LRRTM4: variants seen among roughly 807,000 people sequenced by gnomAD.
The protein encoded by LRRTM4 is leucine rich repeat transmembrane neuronal 4, also known as leucine-rich repeat transmembrane neuronal protein 4.
A neutral mutation model predicts 47.6 loss-of-function variants in LRRTM4; 25 were observed. That is an observed-to-expected ratio of 0.53 (90% CI 0.38 to 0.73). LRRTM4 has a LOEUF of 0.73. Among genes scored for constraint, LRRTM4 ranks in the 30% least tolerant of loss-of-function variants. The pLI, the probability that LRRTM4 is intolerant of heterozygous loss-of-function variation, is 0.00. For synonymous variants in LRRTM4, 311 were observed against 269.5 expected (o/e 1.15, Z -1.51); for missense variants, 638 against 713.4 (o/e 0.89, Z 1.20).
At chr2:77,099,452 GGT>G (rs1224273757) in intron 3 of LRRTM4, among the ~76,000 whole-genome samples, 3 of 151,570 alleles carry the variant, frequency 2.0e-5, no homozygotes, top group African/African-American at 7.3e-5. Flanking sequence ...TATATATTTG[GGT>G]GTGTGTGTGT....
Position 77,387,565 on chromosome 2 carries a change from T to A in LRRTM4, c.1551+130753A>T, listed in dbSNP as rs1673332187. On this transcript the variant is annotated intron_variant, in intron 3 of 3. Transcript: ENST00000409884. ...GCCTACTTTGCATTACTTTTGGGATTCAGGGGTGGACAAGGGGAGCCCACG... is the reference window on the plus strand; with the variant it reads ...GCCTACTTTGCATTACTTTTGGGATACAGGGGTGGACAAGGGGAGCCCACG... Among the ~76,000 whole-genome samples, 3 of 152,082 alleles carry A rather than the reference T, an allele frequency of 2.0e-5. 1 individual carries two copies. Among genetic ancestry groups the A allele is most frequent in the Admixed American group, 2.0e-4 (3 of 15,250 alleles).
chr2:77,452,647 C>T (rs1301816205), intron 3 of LRRTM4, among the ~76,000 whole-genome samples: 1 of 152,194 alleles, frequency 6.6e-6, no homozygotes, highest in Non-Finnish European at 1.5e-5. Flanking sequence ...TCTGCCATCA[C>T]CATCTTAAAA....
At chr2:76,974,244 A>G (rs1408971577) in intron 3 of LRRTM4, among the ~76,000 whole-genome samples, 4 of 143,616 alleles carry the variant, frequency 2.8e-5, no homozygotes, top group East Asian at 2.0e-4. Context: ...ATATATACAT[A>G]TATATATATA....
intron 3 of LRRTM4, among the ~76,000 whole-genome samples, chr2:77,079,059 C>A (rs1221966312): frequency 6.6e-6 from 1 of 152,200 alleles, no homozygotes; most frequent in Non-Finnish European, 1.5e-5. Flanking sequence ...CAAAGCTCCA[C>A]TTTCTAATAC....
At position 77,519,381 on chromosome 2, in the gene LRRTM4, T is replaced by G. The variant is rs747207104; in HGVS notation, c.488A>C (p.His163Pro). 2 of 1,613,438 alleles carry G rather than the reference T, an allele frequency of 1.2e-6. No individual in the cohort carries two copies. The highest frequency in any genetic ancestry group is 1.7e-6 in the Non-Finnish European group (2 of 1,179,608). Residue 163 changes from histidine (H) to proline (P), a missense_variant, in exon 3 of 4, where the codon CAC (histidine) becomes CCC (proline). Transcript: ENST00000409884. This position sits in a 1 kb window ranked among gnomAD's most constrained non-coding sequence, Gnocchi z 4.6. Reference protein sequence around the residue: ...FKGLRKLIILHLRSNSLKTVP... With the variant: ...FKGLRKLIILPLRSNSLKTVP... ...AGTCTTTAGTGAGTTAGATCTCAAGTGCAAAATGATGAGTTTCCGAAGGCC... is the reference window on the plus strand; with the variant it reads ...AGTCTTTAGTGAGTTAGATCTCAAGGGCAAAATGATGAGTTTCCGAAGGCC...
intron 3 of LRRTM4, among the ~76,000 whole-genome samples, chr2:76,840,305 A>G (rs1173835519): frequency 1.3e-5 from 2 of 152,212 alleles, no homozygotes; most frequent in African/African-American, 2.4e-5. Context: ...GTATCTCCAC[A>G]ATTGTTTGGG....
intron 3 of LRRTM4, among the ~76,000 whole-genome samples, chr2:77,044,670 CAT>C (rs1332052157): frequency 1.3e-5 from 2 of 151,336 alleles, no homozygotes; most frequent in African/African-American, 4.9e-5. Flanking sequence ...CACACATACA[CAT>C]ATACACACAT....
chr2:77,003,391 T>C (rs983125758), intron 3 of LRRTM4, among the ~76,000 whole-genome samples: 3 of 152,168 alleles, frequency 2.0e-5, no homozygotes, highest in Non-Finnish European at 2.9e-5. Flanking sequence ...TGAATTGTAA[T>C]AATCCCCACG....
chr2:76,807,532 G>C (rs1670562710), intron 3 of LRRTM4, among the ~76,000 whole-genome samples: 1 of 141,746 alleles, frequency 7.1e-6, no homozygotes, highest in East Asian at 2.1e-4. Context: ...ATCAACTTTG[G>C]GGATTTGTGT....
intron 3 of LRRTM4, among the ~76,000 whole-genome samples, chr2:76,883,173 C>T (rs1192096895): frequency 6.6e-6 from 1 of 152,136 alleles, no homozygotes; most frequent in East Asian, 1.9e-4. Context: ...CTGCAAACCC[C>T]AGCATCACCT....
chr2:77,049,260 T>C (rs952180402), intron 3 of LRRTM4, among the ~76,000 whole-genome samples: 1 of 150,398 alleles, frequency 6.6e-6, no homozygotes, highest in Non-Finnish European at 1.5e-5. Flanking sequence ...ACAATAAACG[T>C]GGGAATGCAT....
At chr2:77,358,505 C>T (rs1348497472) in intron 3 of LRRTM4, among the ~76,000 whole-genome samples, 4 of 152,152 alleles carry the variant, frequency 2.6e-5, no homozygotes, top group African/African-American at 9.7e-5. Context: ...ACCTCCGACA[C>T]TGGGAATCAA....
chr2:76,773,207 G>A (rs1163617664), intron 3 of LRRTM4, among the ~76,000 whole-genome samples: 3 of 152,184 alleles, frequency 2.0e-5, no homozygotes, highest in East Asian at 1.9e-4. Context: ...AATGATAGGA[G>A]CCTAATTTCC....
At chr2:77,115,000 A>G (rs1671348729) in intron 3 of LRRTM4, among the ~76,000 whole-genome samples, 1 of 152,106 alleles carries the variant, frequency 6.6e-6, no homozygotes, top group African/African-American at 2.4e-5. Context: ...GAATTTCCCA[A>G]TCCTGGTAAG....
chr2:76,995,913 C>T (rs533298778), intron 3 of LRRTM4, among the ~76,000 whole-genome samples: 1 of 151,920 alleles, frequency 6.6e-6, no homozygotes, highest in African/African-American at 2.4e-5. Context: ...GAGAAAAAAA[C>T]TAGTAACTTA....
intron 3 of LRRTM4, among the ~76,000 whole-genome samples, chr2:77,006,370 G>C (rs1460204188): frequency 1.3e-5 from 2 of 152,148 alleles, no homozygotes; most frequent in African/African-American, 4.8e-5. Context: ...ATACTAAAGA[G>C]ATGTTCCCTG....
rs572583930 is a variant in LRRTM4, at chr2:77,178,592, A to AAAC, written c.1551+339723_1551+339725dup. 3.3e-3 allele frequency among the ~76,000 whole-genome samples: 499 copies of AAAC among 152,016 alleles called. 2 individuals are homozygous for AAAC. The highest frequency in any genetic ancestry group is 7.9e-3 in the South Asian group (38 of 4,810). ...CAGAGTGAGACTCCATCTCAAAAAC[A>AAAC]AACAACAACAACAACAACAACAACA... is the stretch of plus-strand genomic sequence containing the variant. On this transcript the variant is annotated intron_variant, in intron 3 of 3. Transcript: ENST00000409884.
intron 3 of LRRTM4, among the ~76,000 whole-genome samples, chr2:77,290,725 A>G (rs1352649068): frequency 1.3e-5 from 2 of 152,042 alleles, no homozygotes; most frequent in African/African-American, 4.8e-5. Flanking sequence ...TCCAACCTCT[A>G]GGATTAGCCT....
chr2:76,960,627 C>G (rs541926536), intron 3 of LRRTM4, among the ~76,000 whole-genome samples: 2 of 149,428 alleles, frequency 1.3e-5, no homozygotes, highest in Admixed American at 1.3e-4. Context: ...TTCAATATCA[C>G]AGTCATTCAA....
Sources: gnomAD v4.1 joint callset for allele counts (sites outside exome capture counted in the v4.1 genomes callset) on GRCh38, gnomAD v4.1.1 for gene constraint, Gnocchi (gnomAD v3.1) non-coding constraint, MANE v1.5 for transcripts, NCBI Gene and HGNC (gene_info 2026-07-23, HGNC 2026-07-21) for gene names.